The following HK2 variants were observed in gnomAD, a reference collection of about 807,000 sequenced individuals.
The protein encoded by HK2 is hexokinase-2.
A neutral mutation model predicts 92.9 loss-of-function variants in HK2; 42 were observed. That is an observed-to-expected ratio of 0.45 (90% CI 0.35 to 0.58). The LOEUF is 0.58. Ranked by LOEUF, HK2 falls within the 20% of genes least tolerant of loss-of-function variation. The pLI is 0.00. For missense variants in HK2, 978 were observed against 1,245.1 expected, an observed-to-expected ratio of 0.79 and a Z score of 3.23; for synonymous variants, 422 against 468.0, an observed-to-expected ratio of 0.90 and a Z score of 1.27.
At chr2:74,872,206 A>T in intron 3 of HK2, 94 bp from the exon 4 acceptor site, 2 of 1,319,076 alleles carry the variant, frequency 1.5e-6, no homozygotes, top group Non-Finnish European at 1.1e-6. Flanking sequence ...TTTTGCACAC[A>T]TTCAGCTAGT....
chr2:74,891,006 T>C lies in HK2; in HGVS notation c.*65T>C. The stretch of plus-strand genomic sequence containing the variant: ...CTTCCCTGTTTTAAATTATAAGATG[T>C]CATCCCCTTGTGTCAGAGACAGACC... On this transcript the variant is annotated 3_prime_UTR_variant, in exon 18 of 18. Coordinates refer to ENST00000290573, the MANE Select transcript of HK2 (RefSeq NM_000189.5). 1.3e-6 allele frequency: 2 copies of C among 1,572,106 alleles called. No individual in the cohort carries two copies. Among genetic ancestry groups the C allele is most frequent in the Non-Finnish European group, 1.7e-6 (2 of 1,157,244 alleles).
At chr2:74,856,519 A>G (rs1161104872) in intron 2 of HK2, among the ~76,000 whole-genome samples, 2 of 152,188 alleles carry the variant, frequency 1.3e-5, no homozygotes, top group Non-Finnish European at 2.9e-5. Flanking sequence ...ACATTCAGAT[A>G]AATGTACACA....
Position 74,881,741 on chromosome 2 carries a change from G to A in HK2, c.1601G>A (p.Gly534Glu), listed in dbSNP as rs766260932. 6.2e-7 allele frequency: 1 copy of A among 1,614,204 alleles called. No homozygotes were observed. The highest frequency in any genetic ancestry group is 8.5e-7 in the Non-Finnish European group (1 of 1,180,042). Residue 534 changes from glycine (G) to glutamate (E), a missense_variant, in exon 11 of 18, where the codon GGA (glycine) becomes GAA (glutamate). By Grantham distance (98) the Gly-to-Glu change is moderately conservative. Transcript: ENST00000290573. Reference sequence around the variant, plus strand: ...GGGGACTTCTTGGCCTTGGACCTTGGAGGAACAAATTTCCGGGTCCTGCTG... The same window carrying A: ...GGGGACTTCTTGGCCTTGGACCTTGAAGGAACAAATTTCCGGGTCCTGCTG... Reference protein sequence around the residue: ...EKGDFLALDLGGTNFRVLLVR... With the variant: ...EKGDFLALDLEGTNFRVLLVR...
intron 1 of HK2, among the ~76,000 whole-genome samples, chr2:74,842,797 G>A (rs1688346718): frequency 6.6e-6 from 1 of 152,312 alleles, no homozygotes; most frequent in Non-Finnish European, 1.5e-5. Flanking sequence ...TCCCCCATTC[G>A]AGGTCTCTGG....
At chr2:74,882,323 T>C (rs1689418241) in intron 12 of HK2, 84 bp downstream of exon 12, 12 of 1,602,628 alleles carry the variant, frequency 7.5e-6, no homozygotes, top group Non-Finnish European at 1.0e-5. Flanking sequence ...GGGGAGAAAG[T>C]TGAGCTAAGA....
intron 9 of HK2, 72 bp from the exon 10 acceptor site, chr2:74,880,193 A>G: frequency 6.5e-7 from 1 of 1,542,778 alleles, no homozygotes; most frequent in Non-Finnish European, 8.9e-7. Flanking sequence ...GGCGGTGGGC[A>G]ACTGTCTAAC....
At chr2:74,868,521 G>A (rs1157630542) in intron 3 of HK2, among the ~76,000 whole-genome samples, 1 of 151,458 alleles carries the variant, frequency 6.6e-6, no homozygotes, top group Non-Finnish European at 1.5e-5. Context: ...GATGATACCT[G>A]TTAAGTATTT....
intron 1 of HK2, among the ~76,000 whole-genome samples, chr2:74,845,948 G>A (rs1471349023): frequency 6.6e-6 from 1 of 152,228 alleles, no homozygotes; most frequent in Non-Finnish European, 1.5e-5. Context: ...TTATTAATGA[G>A]GTCACTGACA....
intron 12 of HK2, among the ~76,000 whole-genome samples, chr2:74,882,605 T>TGATATATATATA (rs1553449960): frequency 1.3e-5 from 1 of 75,660 alleles, no homozygotes; most frequent in Non-Finnish European, 3.1e-5. Context: ...TCTATTGAAC[T>TGATATATATATA]TATATATATA....
rs1288131917 is a variant in HK2, at chr2:74,854,472, A to G, written c.226+17A>G. 6.2e-7 allele frequency: 1 copy of G among 1,613,566 alleles called. No homozygotes were observed. On this transcript the variant is annotated intron_variant, in intron 2 of 17. Coordinates refer to ENST00000290573, the MANE Select transcript of HK2 (RefSeq NM_000189.5). ...ATGGGACAGGTACTGCATCTGGGGG[A>G]TGGCTCTAGCTGCTGCGTTACTCAG...
In HK2 at chr2:74,864,514, G is replaced by GT. The variant is rs34286902; in HGVS notation, c.227-3112dup. On this transcript the variant is annotated intron_variant, in intron 2 of 17. Transcript: ENST00000290573. ...TCTTTGTTGTTGTTGTCATTTGTTTGTTTTTTTTTTGAGACAGAGTCTGGC... is the reference window on the plus strand; with the variant it reads ...TCTTTGTTGTTGTTGTCATTTGTTTGTTTTTTTTTTTGAGACAGAGTCTGGC... Among the ~76,000 whole-genome samples the GT allele has an allele frequency of 1.2e-3, 179 of 149,822 alleles. 1 individual carries two copies. Among genetic ancestry groups the GT allele is most frequent in the African/African-American group, 3.4e-3 (138 of 40,802 alleles).
chr2:74,840,656 A>G (rs942408546), intron 1 of HK2, among the ~76,000 whole-genome samples: 1 of 150,336 alleles, frequency 6.7e-6, no homozygotes, highest in East Asian at 2.0e-4. Context: ...TCACGAGGTC[A>G]GGATATCAAG....
At chr2:74,867,910 C>A in intron 3 of HK2, 126 bp downstream of exon 3, 4 of 1,104,166 alleles carry the variant, frequency 3.6e-6, no homozygotes, top group African/African-American at 1.5e-5. Context: ...TGGATGCCAG[C>A]ACAGCTGTAA....
At chr2:74,840,711 CAAAA>C (rs34885061) in intron 1 of HK2, among the ~76,000 whole-genome samples, 45 of 129,190 alleles carry the variant, frequency 3.5e-4, no homozygotes, top group African/African-American at 1.2e-3. Flanking sequence ...ACTAAAAATA[CAAAA>C]AAAAAAAAAA....
chr2:74,870,481 T>G (rs895369712), intron 3 of HK2, among the ~76,000 whole-genome samples: 9 of 151,872 alleles, frequency 5.9e-5, no homozygotes, highest in Non-Finnish European at 8.8e-5. Flanking sequence ...ACCATTTTGC[T>G]TTTCCCCCTT....
intron 1 of HK2, among the ~76,000 whole-genome samples, chr2:74,838,956 A>T (rs545714542): frequency 1.3e-5 from 2 of 152,204 alleles, no homozygotes; most frequent in Admixed American, 1.3e-4. Context: ...TTCTCTGACC[A>T]TTGACCAAAT....
In HK2 at chr2:74,877,169, T is replaced by G; in HGVS notation, c.879T>G (p.Phe293Leu). 6.2e-7 allele frequency: 1 copy of G among 1,614,026 alleles called. No individual in the cohort carries two copies. Among genetic ancestry groups the G allele is most frequent in the Non-Finnish European group, 8.5e-7 (1 of 1,180,020 alleles). ...TTTGGTTTGTGTCTTCCGGCAGGTT[T>G]GAGAAGATGATCAGTGGGATGTACA... is the stretch of plus-strand genomic sequence containing the variant. ...MGSLNPGKQLFEKMISGMYMG... is the reference protein window; with the variant it reads ...MGSLNPGKQLLEKMISGMYMG... Residue 293 changes from phenylalanine (F) to leucine (L), a missense_variant, in exon 8 of 18, where the codon TTT (phenylalanine) becomes TTG (leucine). By Grantham distance (22) the Phe-to-Leu change is conservative. This residue lies in a region of HK2 where 742 missense variants were observed against 922.5 expected (regional missense o/e 0.80). Transcript: ENST00000290573.
intron 2 of HK2, among the ~76,000 whole-genome samples, chr2:74,857,173 G>T (rs1327894560): frequency 3.3e-5 from 5 of 152,136 alleles, no homozygotes; most frequent in Non-Finnish European, 7.3e-5. Context: ...ATTTGCAGGG[G>T]GTCCATAGGT....
intron 9 of HK2, among the ~76,000 whole-genome samples, chr2:74,879,320 A>G (rs1689322597): frequency 6.6e-6 from 1 of 152,154 alleles, no homozygotes; most frequent in South Asian, 2.1e-4. Context: ...TTGGTATTAA[A>G]TTGATCCTGC....
Sources: gnomAD v4.1 joint callset for allele counts (sites outside exome capture counted in the v4.1 genomes callset) on GRCh38, gnomAD v4.1.1 for gene constraint, gnomAD v4.1.1 regional missense constraint, MANE v1.5 for transcripts, NCBI Gene and HGNC (gene_info 2026-07-23, HGNC 2026-07-21) for gene names.